The following CPXM2 variants were observed in gnomAD, a reference collection of about 807,000 sequenced individuals.
CPXM2 encodes carboxypeptidase X, M14 family member 2, also known as inactive carboxypeptidase-like protein X2.
CPXM2 carries 66 observed loss-of-function variants against 86.1 expected under a neutral mutation model. That is an observed-to-expected ratio of 0.77 (90% CI 0.63 to 0.94). The LOEUF (loss-of-function observed/expected upper bound fraction) is 0.94, where lower values mean the gene tolerates loss of function less well. Among genes scored for constraint, CPXM2 ranks in the 40% least tolerant of loss-of-function variants. CPXM2 has a pLI of 0.00. For synonymous variants in CPXM2, 388 were observed against 400.2 expected (o/e 0.97, Z 0.36); for missense variants, 948 against 1,026.3 (o/e 0.92, Z 1.04).
chr10:123,864,197 T>C (rs994653790), intron 2 of CPXM2, among the ~76,000 whole-genome samples: 1 of 152,012 alleles, frequency 6.6e-6, no homozygotes, highest in Non-Finnish European at 1.5e-5. Flanking sequence ...CAGTCAGCAT[T>C]CTCAGGAATA....
At chr10:123,793,079 C>T (rs1847244102) in intron 6 of CPXM2, among the ~76,000 whole-genome samples, 1 of 152,156 alleles carries the variant, frequency 6.6e-6, no homozygotes, top group Non-Finnish European at 1.5e-5. Context: ...TAGTCACACC[C>T]CTACAGCGAA....
chr10:123,763,143 G>A (rs541209997), intron 10 of CPXM2, among the ~76,000 whole-genome samples: 11 of 152,224 alleles, frequency 7.2e-5, no homozygotes, highest in East Asian at 5.8e-4. Context: ...GGGTTCAGGC[G>A]ATTCCCCTAC....
At position 123,778,057 on chromosome 10, in the gene CPXM2, C is replaced by T. The variant is rs566363044; in HGVS notation, c.978+2110G>A. On this transcript the variant is annotated intron_variant, in intron 7 of 13. Coordinates refer to ENST00000241305, the MANE Select transcript of CPXM2 (RefSeq NM_198148.3). The stretch of plus-strand genomic sequence containing the variant: ...CTCCTTCCTCTCCTCCTCCCTTCTC[C>T]ACCCCAACCACCTGCAGCTTCCCAC... Among the ~76,000 whole-genome samples, 8 of 152,280 alleles carry T rather than the reference C, an allele frequency of 5.3e-5. 1 individual carries two copies. In the South Asian group the frequency reaches 1.7e-3, roughly 32 times the overall value.
intron 4 of CPXM2, among the ~76,000 whole-genome samples, chr10:123,815,529 C>T (rs1397434495): frequency 6.6e-6 from 1 of 152,188 alleles, no homozygotes; most frequent in Non-Finnish European, 1.5e-5. Context: ...CCAGAAGGAA[C>T]AGCTTCCCCA....
At position 123,891,493 on chromosome 10, in the gene CPXM2, G is replaced by A; in HGVS notation, c.167C>T (p.Thr56Ile). The A allele has an allele frequency of 6.5e-7, 1 of 1,548,242 alleles. No homozygotes were observed. Among genetic ancestry groups the A allele is most frequent in the South Asian group, 1.2e-5 (1 of 83,900 alleles). ...YYARPEPELETFSPPLPAGPG... is the reference protein window; with the variant it reads ...YYARPEPELEIFSPPLPAGPG... ...CCCCGCAGGCAGCGGCGGAGAGAAG[G>A]TCTCGAGCTCGGGCTCCGGGCGCGC... Residue 56 changes from threonine (T) to isoleucine (I), a missense_variant, in exon 1 of 14, where the codon ACC becomes ATC. Thr to Ile is a moderately conservative substitution (Grantham distance 89). Coordinates refer to ENST00000241305, the MANE Select transcript of CPXM2 (RefSeq NM_198148.3). This position sits in a 1 kb window ranked among gnomAD's most constrained non-coding sequence, Gnocchi z 5.6.
chr10:123,822,193 A>T (rs146059765), intron 4 of CPXM2, among the ~76,000 whole-genome samples: 1 of 152,372 alleles, frequency 6.6e-6, no homozygotes, highest in African/African-American at 2.4e-5. Flanking sequence ...GTATCTGAAC[A>T]CAATTTATCC....
Position 123,891,768 on chromosome 10 carries a change from C to CGCTTGGCGCGGGAGGCGCTTGG in CPXM2, c.-110_-109insCCAAGCGCCTCCCGCGCCAAGC, listed in dbSNP as rs1242338512. Reference sequence around the variant, plus strand: ...AAGGGCGCAGGGCACAGCAGAGCGGCGCGCTTGGGCGCGGGAGGCGGCCGG... The same window carrying CGCTTGGCGCGGGAGGCGCTTGG: ...AAGGGCGCAGGGCACAGCAGAGCGGCGCTTGGCGCGGGAGGCGCTTGGGCGCTTGGGCGCGGGAGGCGGCCGG... On this transcript the variant is annotated 5_prime_UTR_variant, in exon 1 of 14. Coordinates refer to ENST00000241305, the MANE Select transcript of CPXM2 (RefSeq NM_198148.3). This position sits in a 1 kb window ranked among gnomAD's most constrained non-coding sequence, Gnocchi z 5.6. 8.4e-5 allele frequency: 63 copies of CGCTTGGCGCGGGAGGCGCTTGG among 747,456 alleles called. 1 individual carries two copies. Among genetic ancestry groups the CGCTTGGCGCGGGAGGCGCTTGG allele is most frequent in the Non-Finnish European group, 1.1e-4 (60 of 561,852 alleles). The allele number at this position is 747,456 out of a possible 1,614,324, so 46.3% of individuals were successfully genotyped here. A position where few individuals can be genotyped will look rare whatever the true frequency, so the allele number is the denominator to read the frequency against.
intron 6 of CPXM2, among the ~76,000 whole-genome samples, chr10:123,781,928 C>A (rs1846944076): frequency 6.6e-6 from 1 of 152,210 alleles, no homozygotes; most frequent in East Asian, 1.9e-4. Context: ...CTGGCTTCAC[C>A]CTTGAGAACA....
chr10:123,923,883 T>C (rs1024678650), intron 2 of CPXM2, among the ~76,000 whole-genome samples: 1 of 152,212 alleles, frequency 6.6e-6, no homozygotes, highest in African/African-American at 2.4e-5. Flanking sequence ...CCTTCTGCCA[T>C]GATTGTGAGG....
chr10:123,774,550 C>T (rs1019452601), intron 7 of CPXM2, among the ~76,000 whole-genome samples: 1 of 152,106 alleles, frequency 6.6e-6, no homozygotes, highest in Admixed American at 6.5e-5. Context: ...TAATGAGCAT[C>T]AAGGAGCGTT....
At chr10:123,772,876 C>T (rs916952639) in intron 7 of CPXM2, among the ~76,000 whole-genome samples, 2 of 144,656 alleles carry the variant, frequency 1.4e-5, no homozygotes, top group African/African-American at 5.2e-5. Flanking sequence ...TGTGGTCATC[C>T]CTCCTTCATT....
intron 6 of CPXM2, among the ~76,000 whole-genome samples, chr10:123,793,828 T>C (rs147774880): frequency 2.0e-5 from 3 of 152,152 alleles, no homozygotes; most frequent in Non-Finnish European, 4.4e-5. Context: ...GGCCCGACTT[T>C]GCAAGCAAAA....
At chr10:123,894,747 T>G (rs569003634), upstream of CPXM2, among the ~76,000 whole-genome samples, 1 of 152,168 alleles carries the variant, frequency 6.6e-6, no homozygotes, top group Non-Finnish European at 1.5e-5. Context: ...TTCTAATACA[T>G]AGCAGTAAGT....
At chr10:123,777,662 C>T (rs1398596075) in intron 7 of CPXM2, 1 of 152,838 alleles carries the variant, frequency 6.5e-6, no homozygotes, top group Non-Finnish European at 1.5e-5. Context: ...TGCCTTCACT[C>T]TTGCTGTCCT....
rs527288112 is a variant in CPXM2, at chr10:123,748,461, T to C, written c.2018-1444A>G. 6.7e-4 allele frequency among the ~76,000 whole-genome samples: 102 copies of C among 152,302 alleles called. No homozygotes were observed. In the South Asian group the frequency reaches 0.01, roughly 15 times the overall value. On this transcript the variant is annotated intron_variant, in intron 13 of 13. Coordinates refer to ENST00000241305, the MANE Select transcript of CPXM2 (RefSeq NM_198148.3). ...CATCATGTTGAAATCATGCACATTC[T>C]AATCTCAATTCATCCAAGACACCCC...
At chr10:123,926,106 G>A (rs748404256) in intron 2 of CPXM2, among the ~76,000 whole-genome samples, 20 of 152,302 alleles carry the variant, frequency 1.3e-4, no homozygotes, top group Admixed American at 3.3e-4. Flanking sequence ...GATTCCAAGC[G>A]GGCCAGAGGG....
At chr10:123,824,428 A>G (rs1051568181) in intron 4 of CPXM2, among the ~76,000 whole-genome samples, 8 of 152,238 alleles carry the variant, frequency 5.3e-5, no homozygotes, top group African/African-American at 1.9e-4. Context: ...TTCAACCTGG[A>G]TTGAAGCTAA....
intron 13 of CPXM2, chr10:123,749,978 G>GT (rs56363371): frequency 0.44 from 53,861 of 122,178 alleles, 12,364 homozygotes; most frequent in East Asian, 0.64. Flanking sequence ...GCTAATTTTT[G>GT]TTTTTTTTTT....
At chr10:123,909,201 C>T (rs1473368660) in intron 2 of CPXM2, among the ~76,000 whole-genome samples, 1 of 152,074 alleles carries the variant, frequency 6.6e-6, no homozygotes, top group African/African-American at 2.4e-5. Flanking sequence ...GGCTTCCCTC[C>T]ACCCTGAGGT....
Sources: gnomAD v4.1 joint callset for allele counts (sites outside exome capture counted in the v4.1 genomes callset) on GRCh38, gnomAD v4.1.1 for gene constraint, Gnocchi (gnomAD v3.1) non-coding constraint, MANE v1.5 for transcripts, NCBI Gene and HGNC (gene_info 2026-07-23, HGNC 2026-07-21) for gene names.